Variants in RORA observed in about 807,000 individuals in gnomAD.
RORA encodes RAR related orphan receptor A, also known as nuclear receptor ROR-alpha.
RORA carries 7 observed loss-of-function variants against 69.5 expected under a neutral mutation model. The observed-to-expected ratio is 0.10, with a 90% confidence interval of 0.06 to 0.19. The LOEUF (loss-of-function observed/expected upper bound fraction) is 0.19, where lower values mean the gene tolerates loss of function less well. RORA is among the 10% of genes least tolerant of loss of function. The pLI is 1.00. For synonymous variants in RORA, 261 were observed against 240.8 expected, an observed-to-expected ratio of 1.08 and a Z score of -0.78; for missense variants, 457 against 663.0, an observed-to-expected ratio of 0.69 and a Z score of 3.41.
At chr15:60,732,736 C>T (rs1302508330) in intron 1 of RORA, among the ~76,000 whole-genome samples, 2 of 152,068 alleles carry the variant, frequency 1.3e-5, no homozygotes, top group Non-Finnish European at 2.9e-5. Flanking sequence ...TGAACACTTA[C>T]ACAACCCTAC....
chr15:60,983,604 A>G (rs896785500), intron 1 of RORA, among the ~76,000 whole-genome samples: 1 of 152,206 alleles, frequency 6.6e-6, no homozygotes, highest in African/African-American at 2.4e-5. Context: ...TGGTCTCCAT[A>G]AACCTTTATC....
chr15:61,115,212 G>A (rs750487838), intron 1 of RORA, among the ~76,000 whole-genome samples: 1 of 151,862 alleles, frequency 6.6e-6, no homozygotes, highest in Non-Finnish European at 1.5e-5. Context: ...GCTGGCTTTC[G>A]CATCCTTTAA....
In RORA at chr15:61,053,255, G is replaced by A. The variant is rs573591125; in HGVS notation, c.166+175798C>T. The stretch of plus-strand genomic sequence containing the variant: ...TACTGTTTGCATACAGCTGTCAGCT[G>A]CAAAAACATTTTTTTTTTTGAACAC... On this transcript the variant is annotated intron_variant, in intron 1 of 10. Coordinates refer to ENST00000335670, the MANE Select transcript of RORA (RefSeq NM_134261.3). Among the ~76,000 whole-genome samples, 32 of 151,420 alleles carry A rather than the reference G, an allele frequency of 2.1e-4. No individual in the cohort carries two copies. In the South Asian group the frequency reaches 6.3e-3, roughly 30 times the overall value.
chr15:61,184,724 C>T (rs1429559057), intron 1 of RORA, among the ~76,000 whole-genome samples: 4 of 152,058 alleles, frequency 2.6e-5, no homozygotes, highest in African/African-American at 9.7e-5. Flanking sequence ...ATGGCTCAAA[C>T]CTGTAATCCC....
At chr15:60,798,999 C>T (rs1024512588) in intron 1 of RORA, among the ~76,000 whole-genome samples, 2 of 150,472 alleles carry the variant, frequency 1.3e-5, no homozygotes, top group Non-Finnish European at 2.9e-5. Flanking sequence ...TTCATGCTCA[C>T]AATGAGAACC....
chr15:60,573,202 T>C (rs760510033), intron 2 of RORA, among the ~76,000 whole-genome samples: 18 of 152,200 alleles, frequency 1.2e-4, no homozygotes, highest in Non-Finnish European at 2.1e-4. Context: ...CCACAGAAAC[T>C]TGTTTTCCCT....
chr15:60,868,037 C>T (rs2073509624), intron 1 of RORA, among the ~76,000 whole-genome samples: 1 of 152,132 alleles, frequency 6.6e-6, no homozygotes, highest in African/African-American at 2.4e-5. Context: ...CTTCTATTTT[C>T]CCCAAATAGC....
chr15:60,761,795 G>C (rs1040768915), intron 1 of RORA, among the ~76,000 whole-genome samples: 4 of 152,132 alleles, frequency 2.6e-5, no homozygotes, highest in Non-Finnish European at 5.9e-5. Context: ...TATTTGTTTA[G>C]AAAGCTCAGT....
chr15:60,702,360 T>C (rs989096034), intron 1 of RORA, among the ~76,000 whole-genome samples: 11 of 152,096 alleles, frequency 7.2e-5, no homozygotes, highest in African/African-American at 2.7e-4. Context: ...GCCTCCCGAG[T>C]AGCTGGGATT....
At chr15:60,893,386 G>T (rs1467935953) in intron 1 of RORA, among the ~76,000 whole-genome samples, 1 of 152,136 alleles carries the variant, frequency 6.6e-6, no homozygotes, top group African/African-American at 2.4e-5. Flanking sequence ...GAGGGAAGAG[G>T]GTATTAAACA....
At chr15:61,152,884 G>C (rs1198511338) in intron 1 of RORA, among the ~76,000 whole-genome samples, 2 of 152,164 alleles carry the variant, frequency 1.3e-5, no homozygotes, top group Non-Finnish European at 2.9e-5. Flanking sequence ...ACTGTGGACA[G>C]GCTGCTACTC....
At chr15:60,958,230 T>C (rs934107782) in intron 1 of RORA, among the ~76,000 whole-genome samples, 2 of 152,208 alleles carry the variant, frequency 1.3e-5, no homozygotes, top group Admixed American at 6.5e-5. Flanking sequence ...AGGATGTTCA[T>C]ATTGGATTAA....
chr15:60,835,831 A>G (rs2073108026), intron 1 of RORA, among the ~76,000 whole-genome samples: 1 of 152,176 alleles, frequency 6.6e-6, no homozygotes, highest in African/African-American at 2.4e-5. Context: ...ATTTGATTCA[A>G]CTCTAAAGCC....
intron 2 of RORA, among the ~76,000 whole-genome samples, chr15:60,545,999 T>C (rs2067056756): frequency 6.6e-6 from 1 of 152,166 alleles, no homozygotes; most frequent in Non-Finnish European, 1.5e-5. Flanking sequence ...TTGAACGTGG[T>C]GATCAGGTTG....
chr15:60,627,465 T>C, intron 2 of RORA: 1 of 1,573,608 alleles, frequency 6.4e-7, no homozygotes, highest in South Asian at 1.2e-5. Context: ...GACAGATGGC[T>C]CCAACAGCTG....
intron 2 of RORA, among the ~76,000 whole-genome samples, chr15:60,647,779 G>C (rs2070075602): frequency 6.6e-6 from 1 of 152,198 alleles, no homozygotes; most frequent in Non-Finnish European, 1.5e-5. Context: ...ACACATCAGA[G>C]GATGCCCATT....
chr15:61,047,941 T>A (rs1369258423), intron 1 of RORA, among the ~76,000 whole-genome samples: 5 of 152,138 alleles, frequency 3.3e-5, no homozygotes, highest in Non-Finnish European at 5.9e-5. Flanking sequence ...TTCTTCCTAT[T>A]GTGGCAAAAA....
At chr15:60,826,740 GCTCTCTCTCTCTCTCTCTCTCTCTCCCT>G (rs1439269894) in intron 1 of RORA, among the ~76,000 whole-genome samples, 3 of 120,854 alleles carry the variant, frequency 2.5e-5, no homozygotes, top group Middle Eastern at 4.7e-3. Flanking sequence ...TATTCTACCT[GCTCTCTCTCTCTCTCTCTCTCTCTCCCT>G]CTCTCTCTCT....
chr15:61,187,180 T>C (rs1199616672), intron 1 of RORA, among the ~76,000 whole-genome samples: 1 of 152,236 alleles, frequency 6.6e-6, no homozygotes, highest in East Asian at 1.9e-4. Flanking sequence ...TATTAATTAG[T>C]TTTATTAGTG....
Sources: allele counts gnomAD v4.1 joint callset (sites outside exome capture counted in the v4.1 genomes callset), GRCh38; gene constraint gnomAD v4.1.1; transcripts MANE v1.5; gene names NCBI Gene and HGNC (gene_info 2026-07-23, HGNC 2026-07-21).